WTIP: variants seen among roughly 807,000 people sequenced by gnomAD.
WTIP encodes WT1 interacting protein.
WTIP carries 23 observed loss-of-function variants against 41.7 expected under a neutral mutation model. The observed-to-expected ratio is 0.55, with a 90% CI of 0.40 to 0.78. WTIP has a LOEUF of 0.78. WTIP is among the 30% of genes least tolerant of loss of function. The probability of loss-of-function intolerance (pLI) is 0.00; values close to 1 mark genes in which losing one functional copy is unlikely to be tolerated. For synonymous variants in WTIP, 314 were observed against 269.9 expected (o/e 1.16, Z -1.60); for missense variants, 619 against 610.5 (o/e 1.01, Z -0.15).
chr19:34,490,762 C>G (rs974434637), intron 2 of WTIP, among the ~76,000 whole-genome samples: 1 of 152,208 alleles, frequency 6.6e-6, no homozygotes, highest in Non-Finnish European at 1.5e-5. Context: ...GCGTCAGAAG[C>G]CCATGAAGGA....
intron 2 of WTIP, among the ~76,000 whole-genome samples, chr19:34,492,326 G>A (rs2075829584): frequency 6.7e-6 from 1 of 148,698 alleles, no homozygotes; most frequent in East Asian, 2.0e-4. Flanking sequence ...TGTTGCCCAG[G>A]CTGGTCTTGA....
Position 34,503,163 on chromosome 19 carries a change from G to C in WTIP, c.*2894G>C, listed in dbSNP as rs2075896292. 1 of 152,292 alleles carries C rather than the reference G, an allele frequency of 6.6e-6. No homozygotes were observed. Among genetic ancestry groups the C allele is most frequent in the Non-Finnish European group, 1.5e-5 (1 of 68,094 alleles). 9.4% of individuals were successfully genotyped at this position (152,292 alleles called of 1,614,324 possible). A position where few individuals can be genotyped will look rare whatever the true frequency, so the allele number is the denominator to read the frequency against. On this transcript the variant is annotated 3_prime_UTR_variant, in exon 8 of 8. Transcript: ENST00000590071. ...AAGGTCGCAGTCAAGGGACTGCATA[G>C]GCCCTTGGGGCAGTGGCCTCACCAG... is the stretch of plus-strand genomic sequence containing the variant.
rs960744062 is a variant in WTIP at position 34,509,303 on chromosome 19, C to G, written c.*9034C>G. The G allele has an allele frequency of 6.8e-6, 1 of 147,016 alleles. No homozygotes were observed. Among genetic ancestry groups the G allele is most frequent in the Non-Finnish European group, 1.5e-5 (1 of 66,958 alleles). 9.1% of individuals were successfully genotyped at this position (147,016 alleles called of 1,614,324 possible). On this transcript the variant is annotated 3_prime_UTR_variant, in exon 8 of 8. Transcript: ENST00000590071. ...TGGCTGGGGAGGCCTCAGCCTCCCACATGGCTGGGGAGGCCTCCCACCAAA... is the reference window on the plus strand; with the variant it reads ...TGGCTGGGGAGGCCTCAGCCTCCCAGATGGCTGGGGAGGCCTCCCACCAAA...
chr19:34,491,671 G>C (rs1568399360), intron 2 of WTIP, among the ~76,000 whole-genome samples: 1 of 151,044 alleles, frequency 6.6e-6, no homozygotes, highest in Non-Finnish European at 1.5e-5. Context: ...TTTTGAGACA[G>C]AGTCTCGCTC....
chr19:34,486,835 C>T (rs1033239295), intron 1 of WTIP, among the ~76,000 whole-genome samples: 2 of 152,160 alleles, frequency 1.3e-5, no homozygotes, highest in African/African-American at 4.8e-5. Flanking sequence ...TCTGACTCTC[C>T]TGCCGTCTGA....
chr19:34,490,426 C>G lies in WTIP; in HGVS notation c.718C>G (p.Gln240Glu). The G allele has an allele frequency of 6.2e-7, 1 of 1,613,998 alleles. No individual in the cohort carries two copies. Among genetic ancestry groups the G allele is most frequent in the Non-Finnish European group, 8.5e-7 (1 of 1,179,896 alleles). Residue 240 changes from glutamine (Q) to glutamate (E), a missense_variant, in exon 2 of 8, where the codon CAG becomes GAG. Coordinates refer to ENST00000590071, the MANE Select transcript of WTIP (RefSeq NM_001080436.2). ...CATCTACGGAGCCCAGCAGGCGTGC[C>G]AGGCAATGGGGAGTCTTTATCACAC... The part of the protein sequence containing the change: ...LGIYGAQQAC[Q>E]AMGSLYHTDC...
At chr19:34,490,120 G>A (rs1158767193) in intron 1 of WTIP, among the ~76,000 whole-genome samples, 5 of 152,170 alleles carry the variant, frequency 3.3e-5, no homozygotes, top group African/African-American at 1.2e-4. Context: ...AGTTGTGATG[G>A]ACAGCTTTGA....
chr19:34,493,571 C>G lies in WTIP; in HGVS notation c.980C>G (p.Pro327Arg). ...TGCAATGAGTGCCTGGACGGGGTTCCCTTCACCGTGGACGTGGAGAACAAC... is the reference window on the plus strand; with the variant it reads ...TGCAATGAGTGCCTGGACGGGGTTCGCTTCACCGTGGACGTGGAGAACAAC... ...SVCNECLDGV[P>R]FTVDVENNIY... The change falls in exon 5 of 8, where the codon CCC becomes CGC. Residue 327 changes from proline to arginine, a missense_variant. Physicochemically the swap from Pro to Arg is moderately radical, Grantham distance 103 (BLOSUM62 -2). Coordinates refer to ENST00000590071, the MANE Select transcript of WTIP (RefSeq NM_001080436.2). The surrounding 1 kb of genome is among the most constrained non-coding windows in gnomAD (Gnocchi z 4.1). The G allele has an allele frequency of 1.2e-6, 2 of 1,613,696 alleles. No homozygotes were observed. The highest frequency in any genetic ancestry group is 2.2e-5 in the South Asian group (2 of 91,082).
At position 34,482,137 on chromosome 19, in the gene WTIP, G is replaced by T; in HGVS notation, c.163G>T (p.Gly55Cys). The T allele has an allele frequency of 9.5e-7, 1 of 1,058,108 alleles. No homozygotes were observed. 65.5% of individuals were successfully genotyped at this position (1,058,108 alleles called of 1,614,324 possible). Residue 55 changes from glycine to cysteine, a missense_variant, in exon 1 of 8, where the codon GGC becomes TGC. Gly to Cys is a radical substitution (Grantham distance 159). Transcript: ENST00000590071. ...AAPALGRRGK[G>C]SGGPEAGADG... is the part of the protein sequence containing the mutation. ...GCCCGCGCTGGGCCGCAGAGGGAAG[G>T]GCAGCGGCGGCCCCGAGGCCGGGGC...
Position 34,486,967 on chromosome 19 carries a change from G to A in WTIP, c.668-3409G>A, listed in dbSNP as rs566187294. Among the ~76,000 whole-genome samples, 5 of 149,720 alleles carry A rather than the reference G, an allele frequency of 3.3e-5. No homozygotes were observed. In the South Asian group the frequency reaches 6.3e-4, roughly 19 times the overall value. Reference sequence around the variant, plus strand: ...TTTTTTAGAGACAGGATCTAGCTCTGTTGCCAGGCTGGAGTGCAGTGGTGC... The same window carrying A: ...TTTTTTAGAGACAGGATCTAGCTCTATTGCCAGGCTGGAGTGCAGTGGTGC... On this transcript the variant is annotated intron_variant, in intron 1 of 7. Coordinates refer to ENST00000590071, the MANE Select transcript of WTIP (RefSeq NM_001080436.2).
In WTIP at chr19:34,493,500, G is replaced by A. The variant is rs374389374; in HGVS notation, c.909G>A (p.Gln303=). The A allele has an allele frequency of 7.1e-5, 115 of 1,613,552 alleles. No homozygotes were observed. In the African/African-American group the frequency reaches 1.4e-3, roughly 20 times the overall value. ...GTGTGCCCCGCCCACAGATCCTGCAGGCCCTGGGCAAGTCCTACCACCCAG... is the reference window on the plus strand; with the variant it reads ...GTGTGCCCCGCCCACAGATCCTGCAAGCCCTGGGCAAGTCCTACCACCCAG... The part of the protein sequence containing the change: ...CGHLIMEMIL[Q]ALGKSYHPGC... Residue 303 remains glutamine, a synonymous_variant, in exon 5 of 8, where the codon CAG becomes CAA. Coordinates refer to ENST00000590071, the MANE Select transcript of WTIP (RefSeq NM_001080436.2). The surrounding 1 kb of genome is among the most constrained non-coding windows in gnomAD (Gnocchi z 4.1).
intron 1 of WTIP, among the ~76,000 whole-genome samples, chr19:34,484,474 C>T (rs2075787399): frequency 6.6e-6 from 1 of 152,098 alleles, no homozygotes; most frequent in Non-Finnish European, 1.5e-5. Context: ...CTGGGCAGGT[C>T]TCGTGGCGCC....
chr19:34,509,930 G>A lies in WTIP; in HGVS notation c.*9661G>A, dbSNP rs954294653. ...ATATCCAAGTCACAGTGATGCAAGA[G>A]GTGTGTTCCCATAGTCGTAGGCAGC... On this transcript the variant is annotated 3_prime_UTR_variant, in exon 8 of 8. Coordinates refer to ENST00000590071, the MANE Select transcript of WTIP (RefSeq NM_001080436.2). 5.3e-5 allele frequency: 8 copies of A among 152,176 alleles called. No homozygotes were observed. Among genetic ancestry groups the A allele is most frequent in the Non-Finnish European group, 1.2e-4 (8 of 68,020 alleles). The allele number at this position is 152,176 out of a possible 1,614,324, so 9.4% of individuals were successfully genotyped here.
Position 34,507,458 on chromosome 19 carries a change from C to A in WTIP, c.*7189C>A, listed in dbSNP as rs2075917162. The stretch of plus-strand genomic sequence containing the variant: ...AAAAAAAAAAAAAATTCCAGACTGT[C>A]CCCTTTGGATGCCAGTTGAATCTGT... On this transcript the variant is annotated 3_prime_UTR_variant, in exon 8 of 8. Transcript: ENST00000590071. 1 of 151,002 alleles carries A rather than the reference C, an allele frequency of 6.6e-6. No individual in the cohort carries two copies. Among genetic ancestry groups the A allele is most frequent in the African/African-American group, 2.4e-5 (1 of 40,904 alleles). 9.4% of individuals were successfully genotyped at this position (151,002 alleles called of 1,614,324 possible). A position where few individuals can be genotyped will look rare whatever the true frequency, so the allele number is the denominator to read the frequency against.
intron 6 of WTIP, among the ~76,000 whole-genome samples, chr19:34,495,485 T>C (rs1599959562): frequency 1.3e-5 from 2 of 152,270 alleles, no homozygotes; most frequent in Middle Eastern, 6.8e-3. Flanking sequence ...GTGCGTACTG[T>C]GGGCTGTGAT....
intron 1 of WTIP, among the ~76,000 whole-genome samples, chr19:34,483,696 C>T (rs954959851): frequency 2.6e-5 from 4 of 152,182 alleles, no homozygotes; most frequent in Admixed American, 2.0e-4. Flanking sequence ...TGGCCCAGGC[C>T]CCCTGATCTC....
Position 34,511,237 on chromosome 19 carries a change from T to G in WTIP, c.*10968T>G, listed in dbSNP as rs114410399. ...GAATCATGGCCTGAGGCAAAAGTTA[T>G]GTGGTAGCGGCAAGAGAAAATGAAG... On this transcript the variant is annotated 3_prime_UTR_variant, in exon 8 of 8. Transcript: ENST00000590071. 2.0e-5 allele frequency: 3 copies of G among 152,168 alleles called. No individual in the cohort carries two copies. The highest frequency in any genetic ancestry group is 2.9e-5 in the Non-Finnish European group (2 of 68,080). The allele number at this position is 152,168 out of a possible 1,614,324, so 9.4% of individuals were successfully genotyped here.
At chr19:34,497,475 C>G (rs1006989481) in intron 7 of WTIP, among the ~76,000 whole-genome samples, 12 of 152,160 alleles carry the variant, frequency 7.9e-5, no homozygotes, top group African/African-American at 2.9e-4. Context: ...ACAGGGACGG[C>G]AGCTGAAGCC....
chr19:34,496,773 T>C (rs994588592), intron 7 of WTIP, among the ~76,000 whole-genome samples: 1 of 152,054 alleles, frequency 6.6e-6, no homozygotes, highest in Non-Finnish European at 1.5e-5. Flanking sequence ...TAGCTGGAGA[T>C]GTCCAGTAGA....
Sources: allele counts gnomAD v4.1 joint callset (sites outside exome capture counted in the v4.1 genomes callset), GRCh38; gene constraint gnomAD v4.1.1; non-coding constraint Gnocchi (gnomAD v3.1); transcripts MANE v1.5; gene names NCBI Gene and HGNC (gene_info 2026-07-23, HGNC 2026-07-21).